The following CHN2 variants were observed in gnomAD, a reference collection of about 807,000 sequenced individuals.
CHN2 encodes the protein beta-chimaerin.
In CHN2, 35 loss-of-function variants were observed where a neutral mutation model predicts 56.3. The ratio of observed to expected loss-of-function variants is 0.62; its 90% CI spans 0.47 to 0.82. The LOEUF is 0.82. CHN2 is among the 40% of genes least tolerant of loss of function. CHN2 has a pLI of 0.00. For synonymous variants in CHN2, 210 were observed against 212.8 expected, an observed-to-expected ratio of 0.99 and a Z score of 0.12; for missense variants, 491 against 580.5, an observed-to-expected ratio of 0.85 and a Z score of 1.58.
At chr7:29,392,371 A>C (rs920353757) in intron 3 of CHN2, among the ~76,000 whole-genome samples, 1 of 152,198 alleles carries the variant, frequency 6.6e-6, no homozygotes, top group Admixed American at 6.5e-5. Context: ...ATATCAGATA[A>C]CCAGGTGCCT....
intron 1 of CHN2, among the ~76,000 whole-genome samples, chr7:29,346,286 A>G (rs1158004728): frequency 1.3e-5 from 2 of 152,196 alleles, no homozygotes; most frequent in Non-Finnish European, 1.5e-5. Context: ...TATCAAAGAC[A>G]TATTGTAGCA....
chr7:29,437,593 G>A lies in CHN2; in HGVS notation c.576+36765G>A, dbSNP rs1317983856. 8.7e-5 allele frequency among the ~76,000 whole-genome samples: 11 copies of A among 126,144 alleles called. 1 individual carries two copies. Among genetic ancestry groups the A allele is most frequent in the South Asian group, 2.9e-4 (1 of 3,412 alleles). 82.8% of individuals were successfully genotyped at this position (126,144 alleles called of 152,430 possible). A position where few individuals can be genotyped will look rare whatever the true frequency, so the allele number is the denominator to read the frequency against. On this transcript the variant is annotated intron_variant, in intron 6 of 12. Coordinates refer to ENST00000222792, the MANE Select transcript of CHN2 (RefSeq NM_004067.4). ...AGCCTGGGCGACAGAGCGAGACTCC[G>A]TCTCAAAAAAAAAAAAAAAAGATAT...
intron 1 of CHN2, among the ~76,000 whole-genome samples, chr7:29,338,185 G>A (rs1034158968): frequency 6.6e-6 from 1 of 152,200 alleles, no homozygotes; most frequent in Non-Finnish European, 1.5e-5. Flanking sequence ...TTCCCAAGAT[G>A]ACTATTGGGT....
intron 1 of CHN2, among the ~76,000 whole-genome samples, chr7:29,298,675 T>G (rs1041373030): frequency 6.6e-6 from 1 of 152,192 alleles, no homozygotes; most frequent in Non-Finnish European, 1.5e-5. Context: ...AGAATATCGA[T>G]CCAGGTTTTT....
At position 29,314,840 on chromosome 7, in the gene CHN2, G is replaced by A. The variant is rs1001986377; in HGVS notation, c.50-39785G>A. ...TTATTTTTCTAGCGTCTTATAAGCT[G>A]TTTATTTATGTTTAATTATATATTT... On this transcript the variant is annotated intron_variant, in intron 1 of 12. Coordinates refer to ENST00000222792, the MANE Select transcript of CHN2 (RefSeq NM_004067.4). Among the ~76,000 whole-genome samples the A allele has an allele frequency of 2.4e-4, 36 of 151,376 alleles. 1 individual carries two copies. The highest frequency in any genetic ancestry group is 4.0e-4 in the Admixed American group (6 of 15,168).
chr7:29,264,820 GAAA>G lies in CHN2; in HGVS notation c.49+69841_49+69843del, dbSNP rs11356105. 9.6e-5 allele frequency among the ~76,000 whole-genome samples: 12 copies of G among 124,476 alleles called. No homozygotes were observed. The South Asian group carries it at 1.3e-3, about 13-fold the overall frequency. The allele number at this position is 124,476 out of a possible 152,430, so 81.7% of individuals were successfully genotyped here. On this transcript the variant is annotated intron_variant, in intron 1 of 12. Transcript: ENST00000222792. ...GGGTGATCAATAAATACTAAAAGGG[GAAA>G]AAAAAAAAAAGAATTTAAAAATTAA...
chr7:29,192,606 A>G (rs1303874434), upstream of CHN2: 3 of 152,368 alleles, frequency 2.0e-5, no homozygotes, highest in Non-Finnish European at 4.4e-5. Flanking sequence ...CCTTCCTTAA[A>G]GTGAGCAACT....
intron 1 of CHN2, among the ~76,000 whole-genome samples, chr7:29,329,834 C>G (rs936939763): frequency 3.9e-5 from 6 of 152,180 alleles, no homozygotes; most frequent in African/African-American, 1.4e-4. Flanking sequence ...ACTCTTAAAA[C>G]AGGAACTGTG....
chr7:29,481,038 G>T (rs1787158553), intron 7 of CHN2, among the ~76,000 whole-genome samples: 1 of 152,232 alleles, frequency 6.6e-6, no homozygotes, highest in African/African-American at 2.4e-5. Flanking sequence ...GGTACTTGTA[G>T]AAGGGGCCTG....
At chr7:29,496,073 A>C in intron 8 of CHN2, 37 bp downstream of exon 8, 3 of 1,529,986 alleles carry the variant, frequency 2.0e-6, no homozygotes, top group Non-Finnish European at 2.7e-6. Flanking sequence ...AATTATATGA[A>C]ATGCCACTGT....
rs151181647 is a variant in CHN2, at chr7:29,146,841, C to T, written c.163-8C>T. 5.0e-4 allele frequency: 771 copies of T among 1,550,864 alleles called. 1 individual carries two copies. The African/African-American group carries it at 8.1e-3, about 16-fold the overall frequency. On this transcript the variant is annotated splice_region_variant and splice_polypyrimidine_tract_variant and intron_variant, in intron 1 of 6. Transcript: ENST00000439384. ...ACCCTGTATTTTGAAATTATTTCTG[C>T]ACTCTAGGACTTACTTGCAAGCCCA... is the stretch of plus-strand genomic sequence containing the variant.
intron 6 of CHN2, among the ~76,000 whole-genome samples, chr7:29,415,974 A>G (rs1193645996): frequency 6.6e-6 from 1 of 152,150 alleles, no homozygotes; most frequent in East Asian, 1.9e-4. Flanking sequence ...TGTTTTTTGT[A>G]AGTTTTACTG....
In CHN2 at chr7:29,273,856, A is replaced by C. The variant is rs1455977963; in HGVS notation, c.49+78866A>C. On this transcript the variant is annotated intron_variant, in intron 1 of 12. Transcript: ENST00000222792. ...ATGTCATGTCATGCACTTTCTGAAA[A>C]ACTCTACTGTGTGTTTGAGAGAGAA... is the stretch of plus-strand genomic sequence containing the variant. 2.0e-5 allele frequency among the ~76,000 whole-genome samples: 3 copies of C among 152,270 alleles called. No individual in the cohort carries two copies. In the Middle Eastern group the frequency reaches 0.01, roughly 518 times the overall value.
At chr7:29,228,249 G>A (rs905228548) in intron 1 of CHN2, among the ~76,000 whole-genome samples, 9 of 151,896 alleles carry the variant, frequency 5.9e-5, no homozygotes, top group African/African-American at 1.9e-4. Flanking sequence ...ACACCATGAT[G>A]TTTCCGTCAT....
Position 29,382,217 on chromosome 7 carries a change from C to G in CHN2, c.145-11462C>G, listed in dbSNP as rs190043819. Reference sequence around the variant, plus strand: ...CATGTGAATCAACTCTTAACAGTTTCATTTAATGGTTTCTACTCAAGTCTC... The same window carrying G: ...CATGTGAATCAACTCTTAACAGTTTGATTTAATGGTTTCTACTCAAGTCTC... On this transcript the variant is annotated intron_variant, in intron 3 of 12. Coordinates refer to ENST00000222792, the MANE Select transcript of CHN2 (RefSeq NM_004067.4). Among the ~76,000 whole-genome samples the G allele has an allele frequency of 9.3e-4, 141 of 152,336 alleles. 1 individual carries two copies. The highest frequency in any genetic ancestry group is 1.8e-3 in the Non-Finnish European group (120 of 68,026).
At chr7:29,287,577 T>A (rs1792254738) in intron 1 of CHN2, among the ~76,000 whole-genome samples, 1 of 152,150 alleles carries the variant, frequency 6.6e-6, no homozygotes, top group Non-Finnish European at 1.5e-5. Flanking sequence ...GTATGTACTA[T>A]ACAAGTGTTA....
At chr7:29,415,462 T>C (rs1803638360) in intron 6 of CHN2, among the ~76,000 whole-genome samples, 1 of 152,162 alleles carries the variant, frequency 6.6e-6, no homozygotes. Context: ...GGAGTTTCTG[T>C]TTCCTATAGC....
intron 1 of CHN2, among the ~76,000 whole-genome samples, chr7:29,251,453 G>GA (rs1371382724): frequency 2.6e-5 from 4 of 151,812 alleles, no homozygotes; most frequent in East Asian, 1.9e-4. Flanking sequence ...GATTCTGTCT[G>GA]AAAAAAATAA....
At chr7:29,434,295 C>A (rs1783063342) in intron 6 of CHN2, among the ~76,000 whole-genome samples, 1 of 152,172 alleles carries the variant, frequency 6.6e-6, no homozygotes, top group South Asian at 2.1e-4. Context: ...TGTTCTCTGC[C>A]ATGAGAAATG....
Sources: allele counts gnomAD v4.1 joint callset (sites outside exome capture counted in the v4.1 genomes callset), GRCh38; gene constraint gnomAD v4.1.1; transcripts MANE v1.5; gene names NCBI Gene and HGNC (gene_info 2026-07-23, HGNC 2026-07-21).